PML: variants seen among roughly 807,000 people sequenced by gnomAD.
PML encodes PML nuclear body scaffold.
A neutral mutation model predicts 65.2 loss-of-function variants in PML; 28 were observed. That is an observed-to-expected ratio of 0.43 (90% CI 0.32 to 0.59). PML has a LOEUF of 0.59. PML is among the 20% of genes least tolerant of loss of function. The pLI, the probability that PML is intolerant of heterozygous loss-of-function variation, is 0.08. For missense variants in PML, 1,021 were observed against 1,203.4 expected (o/e 0.85, Z 2.24); for synonymous variants, 500 against 508.8 (o/e 0.98, Z 0.23).
At chr15:73,996,355 T>C (rs2069508676) in intron 1 of PML, among the ~76,000 whole-genome samples, 1 of 152,242 alleles carries the variant, frequency 6.6e-6, no homozygotes, top group African/African-American at 2.4e-5. Context: ...TAATTACATA[T>C]GTATACTCAG....
At chr15:73,999,181 T>G (rs2069645345) in intron 2 of PML, among the ~76,000 whole-genome samples, 1 of 152,216 alleles carries the variant, frequency 6.6e-6, no homozygotes, top group Non-Finnish European at 1.5e-5. Context: ...GAATGTTTCT[T>G]CTGAGAGTTT....
At chr15:74,013,649 C>T (rs1595891305) in intron 2 of PML, among the ~76,000 whole-genome samples, 2 of 152,318 alleles carry the variant, frequency 1.3e-5, no homozygotes, top group African/African-American at 4.8e-5. Flanking sequence ...TGCCCGTTCT[C>T]ACCATATGTT....
chr15:74,022,245 C>T (rs1567129014), intron 2 of PML, among the ~76,000 whole-genome samples: 1 of 152,250 alleles, frequency 6.6e-6, no homozygotes, highest in Non-Finnish European at 1.5e-5. Context: ...GCGTGAGCCA[C>T]CGCGCCCGGC....
intron 2 of PML, among the ~76,000 whole-genome samples, chr15:73,999,075 GGAGA>G (rs879768553): frequency 1.3e-5 from 2 of 152,114 alleles, no homozygotes; most frequent in African/African-American, 4.8e-5. Context: ...TTTGTAAAGA[GGAGA>G]GAGAGAGTGC....
intron 4 of PML, chr15:74,025,137 A>G (rs921879481): frequency 1.0e-5 from 6 of 575,752 alleles, no homozygotes; most frequent in Admixed American, 8.6e-5. Flanking sequence ...CCTAAATGCC[A>G]AAGTTGCTCT....
At position 73,994,897 on chromosome 15, in the gene PML, C is replaced by A. The variant is rs749399804; in HGVS notation, c.85C>A (p.Pro29Thr). ...QEPTMPPPET[P>T]SEGRQPSPSP... ...GCCCACCATGCCTCCCCCCGAGACCCCCTCTGAAGGCCGCCAGCCCAGCCC... is the reference window on the plus strand; with the variant it reads ...GCCCACCATGCCTCCCCCCGAGACCACCTCTGAAGGCCGCCAGCCCAGCCC... The change falls in exon 1 of 9, where the codon CCC becomes ACC. Residue 29 changes from proline (P) to threonine (T), a missense_variant. Coordinates refer to ENST00000268058, the MANE Select transcript of PML (RefSeq NM_033238.3). 3 of 1,551,392 alleles carry A rather than the reference C, an allele frequency of 1.9e-6. No homozygotes were observed. Among genetic ancestry groups the A allele is most frequent in the Non-Finnish European group, 2.6e-6 (3 of 1,146,622 alleles).
At chr15:74,026,549 AT>A (rs2071086805) in intron 4 of PML, 1 of 152,200 alleles carries the variant, frequency 6.6e-6, no homozygotes, top group African/African-American at 2.4e-5. Context: ...TTTTTAATAT[AT>A]GTGTGCATAA....
At chr15:74,020,475 TAAATTACAGC>T (rs2070786839) in intron 2 of PML, among the ~76,000 whole-genome samples, 1 of 151,482 alleles carries the variant, frequency 6.6e-6, no homozygotes, top group Non-Finnish European at 1.5e-5. Context: ...CCGGTGAGAG[TAAATTACAGC>T]AATATTTCTG....
chr15:74,035,835 G>C lies in PML; in HGVS notation c.1710+1305G>C, dbSNP rs1394032572. 2.5e-6 allele frequency: 4 copies of C among 1,613,700 alleles called. No homozygotes were observed. The highest frequency in any genetic ancestry group is 3.4e-6 in the Non-Finnish European group (4 of 1,179,980). On this transcript the variant is annotated intron_variant, in intron 7 of 8. Transcript: ENST00000268058. The surrounding 1 kb of genome is among the most constrained non-coding windows in gnomAD (Gnocchi z 4.1). Reference sequence around the variant, plus strand: ...TGGGGACTCTGTCAGAGGCTCCATGGAGGCCTCTCAAGTCCAAGTGCCTCT... The same window carrying C: ...TGGGGACTCTGTCAGAGGCTCCATGCAGGCCTCTCAAGTCCAAGTGCCTCT...
intron 2 of PML, among the ~76,000 whole-genome samples, chr15:74,014,704 G>A (rs1349053567): frequency 6.6e-6 from 1 of 151,756 alleles, no homozygotes; most frequent in Non-Finnish European, 1.5e-5. Context: ...AGAGGTTGCA[G>A]TGAGCCGAGA....
In PML at chr15:74,022,913, A is replaced by T; in HGVS notation, c.688A>T (p.Ser230Cys). 1 of 1,612,986 alleles carries T rather than the reference A, an allele frequency of 6.2e-7. No homozygotes were observed. The highest frequency in any genetic ancestry group is 8.5e-7 in the Non-Finnish European group (1 of 1,179,660). The change falls in exon 3 of 9, where the codon AGC (serine) becomes TGC (cysteine). Residue 230 changes from serine (S) to cysteine (C), a missense_variant. Coordinates refer to ENST00000268058, the MANE Select transcript of PML (RefSeq NM_033238.3). ...CCACAGTGAGCTCAAGTGCGACATC[A>T]GCGCAGAGATCCAGCAGCGACAGGA... ...SSHSELKCDI[S>C]AEIQQRQEEL...
rs2141690825 is a variant in PML at position 73,994,871 on chromosome 15, A to C, written c.59A>C (p.Glu20Ala). The change falls in exon 1 of 9, where the codon GAG (glutamate) becomes GCG (alanine). Residue 20 changes from glutamate (E) to alanine (A), a missense_variant. Transcript: ENST00000268058. The stretch of plus-strand genomic sequence containing the variant: ...CAGCAGGACCCCGCCCGGCCCCAGG[A>C]GCCCACCATGCCTCCCCCCGAGACC... ...RPQQDPARPQ[E>A]PTMPPPETPS... 1 of 1,470,362 alleles carries C rather than the reference A, an allele frequency of 6.8e-7. No individual in the cohort carries two copies. Among genetic ancestry groups the C allele is most frequent in the Non-Finnish European group, 9.3e-7 (1 of 1,075,232 alleles). The allele number at this position is 1,470,362 out of a possible 1,614,324, so 91.1% of individuals were successfully genotyped here. A position where few individuals can be genotyped will look rare whatever the true frequency, so the allele number is the denominator to read the frequency against.
intron 4 of PML, chr15:74,032,321 C>T (rs189525054): frequency 1.5e-5 from 8 of 545,190 alleles, no homozygotes; most frequent in Non-Finnish European, 2.3e-5. Context: ...TGCTCAAGCC[C>T]AGGAGTTCAA....
chr15:74,002,004 G>GA (rs201339026), intron 2 of PML, among the ~76,000 whole-genome samples: 108 of 126,292 alleles, frequency 8.6e-4, no homozygotes, highest in Admixed American at 1.5e-3. Context: ...ACCCTGACTC[G>GA]AAAAAAAAAA....
chr15:74,027,666 C>A (rs2071141368), intron 4 of PML: 1 of 152,268 alleles, frequency 6.6e-6, no homozygotes, highest in African/African-American at 2.4e-5. Context: ...AGAGAGCCTG[C>A]ACTGTCTTGT....
chr15:74,033,959 A>G, intron 6 of PML: 2 of 331,654 alleles, frequency 6.0e-6, no homozygotes, highest in Non-Finnish European at 1.1e-5. Context: ...AGTTCTAAGG[A>G]TCTGCTTCAC....
intron 5 of PML, 101 bp downstream of exon 5, chr15:74,032,816 G>A (rs935431920): frequency 3.2e-6 from 4 of 1,243,282 alleles, no homozygotes; most frequent in Non-Finnish European, 4.7e-6. Context: ...CATCAGATCA[G>A]CTCTTTGTGG....
chr15:73,994,729 C>T lies in PML; in HGVS notation c.-84C>T. 6.9e-7 allele frequency: 1 copy of T among 1,453,338 alleles called. No homozygotes were observed. Among genetic ancestry groups the T allele is most frequent in the South Asian group, 1.2e-5 (1 of 81,972 alleles). 90.0% of individuals were successfully genotyped at this position (1,453,338 alleles called of 1,614,324 possible). A position where few individuals can be genotyped will look rare whatever the true frequency, so the allele number is the denominator to read the frequency against. ...CCCCTTTCGGACAGCTCAAGGGACT[C>T]AGCCAACTGGCTCACGCCTCCCCTT... On this transcript the variant is annotated 5_prime_UTR_variant, in exon 1 of 9. Coordinates refer to ENST00000268058, the MANE Select transcript of PML (RefSeq NM_033238.3).
intron 4 of PML, chr15:74,027,181 T>C (rs2071116191): frequency 6.6e-6 from 1 of 152,196 alleles, no homozygotes; most frequent in Admixed American, 6.5e-5. Context: ...ATTTAGCCAG[T>C]TCCTTGTTGC....
Sources: gnomAD v4.1 joint callset for allele counts (sites outside exome capture counted in the v4.1 genomes callset) on GRCh38, gnomAD v4.1.1 for gene constraint, Gnocchi (gnomAD v3.1) non-coding constraint, MANE v1.5 for transcripts, NCBI Gene and HGNC (gene_info 2026-07-23, HGNC 2026-07-21) for gene names.